CSMD3: variants seen among roughly 807,000 people sequenced by gnomAD.
CSMD3 encodes CUB and sushi domain-containing protein 3.
A neutral mutation model predicts 435.2 loss-of-function variants in CSMD3; 177 were observed. The ratio of observed to expected loss-of-function variants is 0.41; its 90% CI spans 0.36 to 0.46. The LOEUF is 0.46. CSMD3 is among the 20% of genes least tolerant of loss of function. The pLI is 0.34. For synonymous variants in CSMD3, 1,656 were observed against 1,520.5 expected (o/e 1.09, Z -2.07); for missense variants, 4,265 against 4,504.6 (o/e 0.95, Z 1.52).
At chr8:112,896,060 T>A (rs1215988646) in intron 10 of CSMD3, among the ~76,000 whole-genome samples, 1 of 151,524 alleles carries the variant, frequency 6.6e-6, no homozygotes, top group Admixed American at 6.6e-5. Flanking sequence ...GATTTCAGGC[T>A]AACTTTATCA....
chr8:112,951,388 A>G (rs951643211), intron 8 of CSMD3, among the ~76,000 whole-genome samples: 1 of 151,864 alleles, frequency 6.6e-6, no homozygotes, highest in African/African-American at 2.4e-5. Context: ...TATATAGCAC[A>G]TAATATACCC....
intron 12 of CSMD3, among the ~76,000 whole-genome samples, chr8:112,824,557 T>A (rs2079621593): frequency 6.6e-6 from 1 of 152,210 alleles, no homozygotes; most frequent in Non-Finnish European, 1.5e-5. Flanking sequence ...TCTCCTTTGC[T>A]TATGAAGCTT....
chr8:112,261,643 A>G (rs1481515891), intron 61 of CSMD3, among the ~76,000 whole-genome samples: 3 of 152,094 alleles, frequency 2.0e-5, no homozygotes, highest in Non-Finnish European at 4.4e-5. Flanking sequence ...CCTCGTGCAC[A>G]TATATGAAAA....
chr8:112,662,332 C>A (rs368497104), intron 17 of CSMD3, among the ~76,000 whole-genome samples: 10 of 151,998 alleles, frequency 6.6e-5, no homozygotes, highest in East Asian at 5.8e-4. Flanking sequence ...AAGATATAGA[C>A]CAACGGAACA....
At chr8:112,880,637 G>A (rs571454597) in intron 10 of CSMD3, among the ~76,000 whole-genome samples, 1 of 152,072 alleles carries the variant, frequency 6.6e-6, no homozygotes, top group South Asian at 2.1e-4. Context: ...TTGGGATTTG[G>A]GGCAATTCTT....
intron 26 of CSMD3, 76 bp downstream of exon 26, chr8:112,552,518 G>C (rs2131199876): frequency 1.5e-6 from 2 of 1,364,858 alleles, no homozygotes; most frequent in Non-Finnish European, 2.0e-6. Flanking sequence ...TGAAATAAAT[G>C]GATATTAATT....
chr8:112,845,937 C>G (rs1227737390), intron 11 of CSMD3, among the ~76,000 whole-genome samples: 1 of 151,814 alleles, frequency 6.6e-6, no homozygotes, highest in Non-Finnish European at 1.5e-5. Flanking sequence ...GATAAGGTCA[C>G]TAGCAAAAGC....
chr8:113,399,616 G>A (rs2094500620), intron 1 of CSMD3, among the ~76,000 whole-genome samples: 1 of 151,812 alleles, frequency 6.6e-6, no homozygotes, highest in Admixed American at 6.6e-5. Flanking sequence ...TAAAAAAATA[G>A]AATAGCAGCT....
chr8:113,393,580 A>C (rs1463280665), intron 1 of CSMD3, among the ~76,000 whole-genome samples: 12 of 152,146 alleles, frequency 7.9e-5, no homozygotes, highest in African/African-American at 2.9e-4. Flanking sequence ...TGCTACTAAC[A>C]AATCACCAAT....
intron 14 of CSMD3, among the ~76,000 whole-genome samples, chr8:112,688,264 G>A (rs2076056141): frequency 6.6e-6 from 1 of 152,108 alleles, no homozygotes; most frequent in Admixed American, 6.6e-5. Flanking sequence ...TTATCAGATA[G>A]ATAGATGCTT....
intron 9 of CSMD3, among the ~76,000 whole-genome samples, chr8:112,938,160 G>C (rs2083343399): frequency 6.6e-6 from 1 of 152,118 alleles, no homozygotes; most frequent in Admixed American, 6.6e-5. Context: ...GCTGAAATAA[G>C]TTGCTGCAAC....
At chr8:112,738,318 C>T (rs760994208) in intron 13 of CSMD3, among the ~76,000 whole-genome samples, 19 of 151,494 alleles carry the variant, frequency 1.3e-4, no homozygotes, top group Non-Finnish European at 2.5e-4. Context: ...GCTGTTTTAC[C>T]GAATTATTCA....
intron 1 of CSMD3, among the ~76,000 whole-genome samples, chr8:113,383,118 A>G (rs1046143158): frequency 1.3e-5 from 2 of 152,190 alleles, no homozygotes; most frequent in African/African-American, 4.8e-5. Context: ...GACACTGCAG[A>G]GAGGGAATAG....
chr8:113,425,654 A>C (rs1348821889), intron 1 of CSMD3, among the ~76,000 whole-genome samples: 1 of 151,542 alleles, frequency 6.6e-6, no homozygotes, highest in African/African-American at 2.4e-5. Context: ...GGATCTTAAA[A>C]GTTTCTGTCT....
At chr8:112,921,930 A>G (rs2130635227) in intron 9 of CSMD3, among the ~76,000 whole-genome samples, 179 bp from the exon 10 acceptor site, 1 of 152,226 alleles carries the variant, frequency 6.6e-6, no homozygotes, top group South Asian at 2.1e-4. Flanking sequence ...AAATTTAATC[A>G]TCTTGTTAAT....
chr8:112,531,901 G>A (rs1825574997), intron 27 of CSMD3, among the ~76,000 whole-genome samples: 1 of 152,014 alleles, frequency 6.6e-6, no homozygotes, highest in Admixed American at 6.6e-5. Context: ...GATTAACCTT[G>A]GAGTGCCCGA....
At chr8:112,995,329 G>C (rs1410981529) in intron 6 of CSMD3, among the ~76,000 whole-genome samples, 2 of 151,414 alleles carry the variant, frequency 1.3e-5, no homozygotes, top group African/African-American at 4.8e-5. Flanking sequence ...GGCACATTTA[G>C]TTTTGGTATA....
chr8:112,390,861 A>G, intron 35 of CSMD3, 73 bp from the exon 36 acceptor site: 3 of 1,364,380 alleles, frequency 2.2e-6, no homozygotes, highest in South Asian at 1.2e-5. Flanking sequence ...AAGGTCAGAG[A>G]TAACATCTTA....
intron 3 of CSMD3, among the ~76,000 whole-genome samples, chr8:113,235,671 A>G (rs2093139694): frequency 1.3e-5 from 2 of 152,078 alleles, no homozygotes. Context: ...GTGGTTCCAG[A>G]GGAGACTGGC....
Sources: allele counts gnomAD v4.1 joint callset (sites outside exome capture counted in the v4.1 genomes callset), GRCh38; gene constraint gnomAD v4.1.1; transcripts MANE v1.5; gene names NCBI Gene and HGNC (gene_info 2026-07-23, HGNC 2026-07-21).